Variants in WWOX observed in about 807,000 individuals in gnomAD.
WWOX encodes WW domain containing oxidoreductase.
A neutral mutation model predicts 46.2 loss-of-function variants in WWOX; 69 were observed. The ratio of observed to expected loss-of-function variants is 1.49; its 90% CI spans 1.23 to 1.82. The LOEUF is 1.82. WWOX is among the 40% of genes most tolerant of loss of function. The pLI is 0.00. For synonymous variants in WWOX, 359 were observed against 202.6 expected, an observed-to-expected ratio of 1.77 and a Z score of -6.56; for missense variants, 919 against 542.6, an observed-to-expected ratio of 1.69 and a Z score of -6.89.
At chr16:78,564,381 C>A (rs151097772) in intron 8 of WWOX, among the ~76,000 whole-genome samples, 2 of 152,156 alleles carry the variant, frequency 1.3e-5, no homozygotes, top group African/African-American at 4.8e-5. Flanking sequence ...CTCGCTGATG[C>A]CCTGGCTAGT....
intron 8 of WWOX, among the ~76,000 whole-genome samples, chr16:78,761,725 G>T (rs1250253567): frequency 6.6e-6 from 1 of 152,162 alleles, no homozygotes; most frequent in South Asian, 2.1e-4. Flanking sequence ...GCACTACAAG[G>T]TCCTCTTTGA....
At chr16:78,470,222 G>T (rs1044903346) in intron 8 of WWOX, among the ~76,000 whole-genome samples, 1 of 152,184 alleles carries the variant, frequency 6.6e-6, no homozygotes, top group African/African-American at 2.4e-5. Flanking sequence ...GCAGGACCAT[G>T]TGTGGAGCAT....
At chr16:78,275,666 T>A (rs1709749658) in intron 5 of WWOX, among the ~76,000 whole-genome samples, 1 of 152,152 alleles carries the variant, frequency 6.6e-6, no homozygotes, top group African/African-American at 2.4e-5. Context: ...CCACATGGAA[T>A]GGATGGTGGA....
At chr16:78,301,158 G>A (rs954439463) in intron 5 of WWOX, among the ~76,000 whole-genome samples, 1 of 152,136 alleles carries the variant, frequency 6.6e-6, no homozygotes, top group Non-Finnish European at 1.5e-5. Flanking sequence ...TCATTATCAT[G>A]TCTATGAAAT....
chr16:78,633,227 G>A (rs778547152), intron 8 of WWOX, among the ~76,000 whole-genome samples: 27 of 152,252 alleles, frequency 1.8e-4, no homozygotes, highest in Non-Finnish European at 2.4e-4. Context: ...GTGCCACTGC[G>A]CTCCATGCTA....
rs1476590164 is a variant in WWOX, at chr16:78,390,584, A to G, written c.605+3636A>G. ...ATACTGTGGTGGTGAAAATATGCAT[A>G]AAAAAGCGAGAGATTTTACTTTTGA... On this transcript the variant is annotated intron_variant, in intron 6 of 8. Transcript: ENST00000566780. Among the ~76,000 whole-genome samples, 3 of 152,170 alleles carry G rather than the reference A, an allele frequency of 2.0e-5. No homozygotes were observed. In the East Asian group the frequency reaches 5.8e-4, roughly 29 times the overall value.
intron 5 of WWOX, among the ~76,000 whole-genome samples, chr16:78,280,445 A>ATATGTAT (rs1157778219): frequency 6.6e-6 from 1 of 152,216 alleles, no homozygotes; most frequent in African/African-American, 2.4e-5. Flanking sequence ...TACCTGTAGG[A>ATATGTAT]TATGTATTAG....
chr16:78,720,476 T>TC (rs754327771), intron 8 of WWOX, among the ~76,000 whole-genome samples: 24 of 151,228 alleles, frequency 1.6e-4, no homozygotes, highest in Non-Finnish European at 1.2e-4. Context: ...TTTTTCTTCT[T>TC]TTTTTTTTAT....
chr16:78,756,791 C>A (rs2049660048), intron 8 of WWOX: 2 of 513,606 alleles, frequency 3.9e-6, no homozygotes, highest in South Asian at 3.4e-5. Flanking sequence ...TTCTTGGTAG[C>A]CATGTCTCAG....
chr16:78,386,520 A>G (rs1389950023), intron 5 of WWOX, among the ~76,000 whole-genome samples: 1 of 152,150 alleles, frequency 6.6e-6, no homozygotes, highest in East Asian at 1.9e-4. Flanking sequence ...GTTGTCGTGC[A>G]TTCCCCTCCT....
chr16:78,840,088 T>C (rs2052097479), intron 8 of WWOX, among the ~76,000 whole-genome samples: 1 of 152,218 alleles, frequency 6.6e-6, no homozygotes, highest in Non-Finnish European at 1.5e-5. Flanking sequence ...GAACATGCTT[T>C]GCACAAACAA....
At chr16:78,978,539 G>C (rs1434873355) in intron 8 of WWOX, among the ~76,000 whole-genome samples, 1 of 152,138 alleles carries the variant, frequency 6.6e-6, no homozygotes, top group Non-Finnish European at 1.5e-5. Flanking sequence ...GCCTGAGACT[G>C]GGTAATGGCT....
Position 78,342,341 on chromosome 16 carries a change from C to T in WWOX, c.517-44519C>T, listed in dbSNP as rs939053574. ...TGAGTTGGCTGGAAGGTCCACCCTACACAACCACTCGTGAAGGCAGACTTG... is the reference window on the plus strand; with the variant it reads ...TGAGTTGGCTGGAAGGTCCACCCTATACAACCACTCGTGAAGGCAGACTTG... On this transcript the variant is annotated intron_variant, in intron 5 of 8. Transcript: ENST00000566780. 1.7e-5 allele frequency among the ~76,000 whole-genome samples: 2 copies of T among 120,900 alleles called. 1 individual carries two copies. The highest frequency in any genetic ancestry group is 5.6e-5 in the African/African-American group (2 of 35,680). 79.3% of individuals were successfully genotyped at this position (120,900 alleles called of 152,430 possible). A position where few individuals can be genotyped will look rare whatever the true frequency, so the allele number is the denominator to read the frequency against.
At chr16:79,119,317 C>G (rs1358300746) in intron 8 of WWOX, among the ~76,000 whole-genome samples, 1 of 152,036 alleles carries the variant, frequency 6.6e-6, no homozygotes, top group African/African-American at 2.4e-5. Flanking sequence ...TACATTAACC[C>G]AGCATTTTGG....
At chr16:78,838,794 G>A (rs2052060317) in intron 8 of WWOX, among the ~76,000 whole-genome samples, 2 of 152,204 alleles carry the variant, frequency 1.3e-5, no homozygotes, top group African/African-American at 4.8e-5. Flanking sequence ...AGTGAGCCCA[G>A]ATCGTGCCCC....
intron 8 of WWOX, among the ~76,000 whole-genome samples, chr16:78,726,859 G>T (rs1051368149): frequency 1.3e-5 from 2 of 152,162 alleles, no homozygotes; most frequent in Non-Finnish European, 2.9e-5. Context: ...TACAATGAGA[G>T]TTGAGGGGAG....
At chr16:79,131,346 G>A (rs2049874366) in intron 8 of WWOX, among the ~76,000 whole-genome samples, 1 of 152,006 alleles carries the variant, frequency 6.6e-6, no homozygotes, top group African/African-American at 2.4e-5. Flanking sequence ...TTGCACATGA[G>A]GACACAAAGA....
intron 8 of WWOX, among the ~76,000 whole-genome samples, chr16:79,143,878 C>T (rs1224690496): frequency 6.6e-6 from 1 of 152,036 alleles, no homozygotes; most frequent in African/African-American, 2.4e-5. Flanking sequence ...CATGTTATAC[C>T]CACCCATAGT....
intron 8 of WWOX, among the ~76,000 whole-genome samples, chr16:79,073,107 TA>T (rs2048582153): frequency 6.6e-6 from 1 of 151,558 alleles, no homozygotes; most frequent in Non-Finnish European, 1.5e-5. Flanking sequence ...TTATGGTACA[TA>T]AAAGAGCTTT....
Sources: gnomAD v4.1 joint callset for allele counts (sites outside exome capture counted in the v4.1 genomes callset) on GRCh38, gnomAD v4.1.1 for gene constraint, MANE v1.5 for transcripts, NCBI Gene and HGNC (gene_info 2026-07-23, HGNC 2026-07-21) for gene names.